The following TOPBP1 variants were observed in gnomAD, a reference collection of about 807,000 sequenced individuals.
TOPBP1 encodes the protein DNA topoisomerase 2-binding protein 1.
A neutral mutation model predicts 167.7 loss-of-function variants in TOPBP1; 28 were observed. That is an observed-to-expected ratio of 0.17 (90% confidence interval 0.12 to 0.23). The LOEUF (loss-of-function observed/expected upper bound fraction) is 0.23, where lower values mean the gene tolerates loss of function less well. Among genes scored for constraint, TOPBP1 ranks in the 10% least tolerant of loss-of-function variants. The pLI is 1.00. For synonymous variants in TOPBP1, 598 were observed against 611.4 expected (o/e 0.98, Z 0.32); for missense variants, 1,554 against 1,809.6 (o/e 0.86, Z 2.56).
At chr3:133,604,297 G>A (rs952887945) in intron 27 of TOPBP1, among the ~76,000 whole-genome samples, 2 of 151,350 alleles carry the variant, frequency 1.3e-5, no homozygotes, top group South Asian at 2.1e-4. Flanking sequence ...ACCACACCCC[G>A]CTAATTTTTT....
At chr3:133,609,010 A>C (rs1373964253) in intron 25 of TOPBP1, 48 bp from the exon 26 acceptor site, 2 of 1,407,342 alleles carry the variant, frequency 1.4e-6, no homozygotes, top group South Asian at 2.5e-5. Flanking sequence ...AAAATAACAA[A>C]ATAATACAGA....
chr3:133,643,989 T>C, intron 11 of TOPBP1, 31 bp downstream of exon 11: 2 of 1,541,770 alleles, frequency 1.3e-6, no homozygotes, highest in African/African-American at 1.4e-5. Context: ...TATCCTTCGA[T>C]ACTTTATTTC....
In TOPBP1 at chr3:133,627,322, GA is replaced by G. The variant is rs777586759; in HGVS notation, c.2804+1039del. On this transcript the variant is annotated intron_variant, in intron 16 of 27. Coordinates refer to ENST00000260810, the MANE Select transcript of TOPBP1 (RefSeq NM_007027.4). ...AAACAAGGAAACATTCAATTTTGAGGAAAAAAAAATATACACACACCCCTTG... is the reference window on the plus strand; with the variant it reads ...AAACAAGGAAACATTCAATTTTGAGGAAAAAAAATATACACACACCCCTTG... 3.3e-5 allele frequency among the ~76,000 whole-genome samples: 5 copies of G among 150,408 alleles called. No homozygotes were observed. In the East Asian group the frequency reaches 7.8e-4, roughly 23 times the overall value.
At chr3:133,611,271 C>T in intron 24 of TOPBP1, 130 bp from the exon 25 acceptor site, 2 of 729,160 alleles carry the variant, frequency 2.7e-6, no homozygotes, top group Admixed American at 7.3e-5. Context: ...CAAATACAGA[C>T]AGTACTAAGT....
chr3:133,629,659 A>C (rs1935397164), intron 14 of TOPBP1, among the ~76,000 whole-genome samples: 1 of 152,214 alleles, frequency 6.6e-6, no homozygotes, highest in African/African-American at 2.4e-5. Context: ...AACGTGCTTG[A>C]TATCACAGTA....
chr3:133,649,709 A>G, intron 9 of TOPBP1, 71 bp downstream of exon 9: 1 of 1,588,828 alleles, frequency 6.3e-7, no homozygotes, highest in Non-Finnish European at 8.5e-7. Context: ...CAGTTTCCAG[A>G]ACTGCGTGGA....
intron 14 of TOPBP1, among the ~76,000 whole-genome samples, chr3:133,634,718 C>T (rs1360927298): frequency 6.6e-6 from 1 of 151,938 alleles, no homozygotes; most frequent in East Asian, 1.9e-4. Context: ...TACATCCAAA[C>T]AATTTGTAGA....
In TOPBP1 at chr3:133,611,070, T is replaced by C; in HGVS notation, c.4107A>G (p.Arg1369=). ...TCCATCTCATTGCTGCAAGTGCTAG[T>C]CTTCGTTGCTGTACATTGATTCCAG... ...VLTGINVQQR[R]LALAAMRWRK... The change falls in exon 25 of 28, where the codon AGA becomes AGG. Residue 1369 remains arginine (R), a synonymous_variant. Coordinates refer to ENST00000260810, the MANE Select transcript of TOPBP1 (RefSeq NM_007027.4). 1 of 1,613,580 alleles carries C rather than the reference T, an allele frequency of 6.2e-7. No homozygotes were observed. The highest frequency in any genetic ancestry group is 1.1e-5 in the South Asian group (1 of 91,028).
rs145447601 is a variant in TOPBP1, at chr3:133,648,940, CT to C, written c.1504+442del. 1.3e-4 allele frequency among the ~76,000 whole-genome samples: 20 copies of C among 151,758 alleles called. No homozygotes were observed. The East Asian group carries it at 1.9e-3, about 15-fold the overall frequency. ...GGCTATATTAGGTATTTTATAAAGG[CT>C]TTTTTTTAATAAAAAAGAAGTAATG... On this transcript the variant is annotated intron_variant, in intron 10 of 27. Coordinates refer to ENST00000260810, the MANE Select transcript of TOPBP1 (RefSeq NM_007027.4).
chr3:133,614,914 C>T (rs1285444637), intron 23 of TOPBP1, among the ~76,000 whole-genome samples: 1 of 151,460 alleles, frequency 6.6e-6, no homozygotes, highest in Non-Finnish European at 1.5e-5. Flanking sequence ...CAACATGGCA[C>T]ATGGATACAA....
intron 10 of TOPBP1, 81 bp from the exon 11 acceptor site, chr3:133,644,444 T>C (rs1424564549): frequency 8.0e-7 from 1 of 1,255,788 alleles, no homozygotes; most frequent in Non-Finnish European, 1.1e-6. Context: ...TAACGTAACA[T>C]GGAATCTGAT....
At chr3:133,641,012 A>C (rs1935874543) in intron 12 of TOPBP1, among the ~76,000 whole-genome samples, 1 of 152,182 alleles carries the variant, frequency 6.6e-6, no homozygotes, top group Admixed American at 6.5e-5. Context: ...GATTTCTTTT[A>C]TGACTTCTGG....
chr3:133,642,588 T>C (rs1350741106), intron 12 of TOPBP1, among the ~76,000 whole-genome samples: 1 of 152,222 alleles, frequency 6.6e-6, no homozygotes. Flanking sequence ...GAGGTTTGAT[T>C]ATTTTGGCAA....
rs909513678 is a variant in TOPBP1, at chr3:133,638,133, C to T, written c.2263G>A (p.Gly755Arg). 1 of 1,613,600 alleles carries T rather than the reference C, an allele frequency of 6.2e-7. No individual in the cohort carries two copies. The highest frequency in any genetic ancestry group is 1.3e-5 in the African/African-American group (1 of 74,880). Residue 755 changes from glycine to arginine, a missense_variant, in exon 14 of 28, where the codon GGA becomes AGA. By Grantham distance (125) the Gly-to-Arg change is moderately radical. Coordinates refer to ENST00000260810, the MANE Select transcript of TOPBP1 (RefSeq NM_007027.4). ...GCAGTATCTGAATTTAGATTGATTC[C>T]ATTTGTTATTTCTGTTTCCAAACTT... ...ERSLETEITNGINLNSDTAEH... is the reference protein window; with the variant it reads ...ERSLETEITNRINLNSDTAEH...
intron 2 of TOPBP1, among the ~76,000 whole-genome samples, chr3:133,660,703 A>C (rs907367112): frequency 1.3e-5 from 2 of 152,200 alleles, no homozygotes; most frequent in Non-Finnish European, 2.9e-5. Flanking sequence ...CAATTAACCA[A>C]AAAATTTTCA....
intron 12 of TOPBP1, among the ~76,000 whole-genome samples, chr3:133,642,701 T>C (rs771058437): frequency 2.0e-5 from 3 of 152,222 alleles, no homozygotes; most frequent in African/African-American, 7.2e-5. Flanking sequence ...GATTCTTTCA[T>C]TCATTAGGGG....
Position 133,637,930 on chromosome 3 carries a change from T to C in TOPBP1, c.2466A>G (p.Thr822=), listed in dbSNP as rs1355202539. ...TGTCCTTGGACAGGAATTTTGATGG[T>C]GTATCCAGGTGTAACGAGGGCTCCT... The part of the protein sequence containing the change: ...LQKEPSLHLD[T]PSKFLSKDKL... Residue 822 remains threonine, a synonymous_variant, in exon 14 of 28, where the codon ACA becomes ACG. Transcript: ENST00000260810. 6.2e-7 allele frequency: 1 copy of C among 1,613,950 alleles called. No homozygotes were observed. Among genetic ancestry groups the C allele is most frequent in the South Asian group, 1.1e-5 (1 of 91,084 alleles).
chr3:133,651,317 G>C (rs1936295369), intron 8 of TOPBP1, among the ~76,000 whole-genome samples: 1 of 151,336 alleles, frequency 6.6e-6, no homozygotes, highest in Non-Finnish European at 1.5e-5. Flanking sequence ...CTCCCAAGCA[G>C]CTGGGATTAC....
At position 133,661,097 on chromosome 3, in the gene TOPBP1, C is replaced by T; in HGVS notation, c.31G>A (p.Val11Met). 2 of 1,599,362 alleles carry T rather than the reference C, an allele frequency of 1.3e-6. No homozygotes were observed. The highest frequency in any genetic ancestry group is 1.7e-6 in the Non-Finnish European group (2 of 1,174,478). Residue 11 changes from valine (V) to methionine (M), a missense_variant, in exon 2 of 28, where the codon GTG becomes ATG. Coordinates refer to ENST00000260810, the MANE Select transcript of TOPBP1 (RefSeq NM_007027.4). Reference protein sequence around the residue: MSRNDKEPFFVKFLKSSDNSK... With the variant: MSRNDKEPFFMKFLKSSDNSK... The stretch of plus-strand genomic sequence containing the variant: ...TTGTCTGAAGACTTTAAAAACTTCA[C>T]AAAAAACGGTTCTTTGTCATTTCTG...
Sources: allele counts gnomAD v4.1 joint callset (sites outside exome capture counted in the v4.1 genomes callset), GRCh38; gene constraint gnomAD v4.1.1; transcripts MANE v1.5; gene names NCBI Gene and HGNC (gene_info 2026-07-23, HGNC 2026-07-21).